The following APPL2 variants were observed in gnomAD, a reference collection of about 807,000 sequenced individuals.
The protein encoded by APPL2 is adaptor protein, phosphotyrosine interacting with PH domain and leucine zipper 2.
APPL2 carries 84 observed loss-of-function variants against 92.7 expected under a neutral mutation model. The observed-to-expected ratio is 0.91, with a 90% CI of 0.76 to 1.09. APPL2 has a LOEUF of 1.09. Among genes scored for constraint, APPL2 ranks in the 50% least tolerant of loss-of-function variants. The pLI is 0.00. For missense variants in APPL2, 736 were observed against 824.5 expected, an observed-to-expected ratio of 0.89 and a Z score of 1.31; for synonymous variants, 291 against 291.0, an observed-to-expected ratio of 1.00 and a Z score of 0.00.
intron 2 of APPL2, among the ~76,000 whole-genome samples, chr12:105,219,653 C>T (rs1488276886): frequency 2.0e-5 from 3 of 152,238 alleles, no homozygotes; most frequent in Non-Finnish European, 4.4e-5. Flanking sequence ...TCCTTCCTAA[C>T]TGTACAAGGA....
At chr12:105,225,359 G>A (rs1890417200) in intron 2 of APPL2, among the ~76,000 whole-genome samples, 1 of 152,128 alleles carries the variant, frequency 6.6e-6, no homozygotes, top group Non-Finnish European at 1.5e-5. Context: ...GCTGAGAGGA[G>A]AAGCAAGATG....
Position 105,211,260 on chromosome 12 carries a change from T to C in APPL2, c.343A>G (p.Ile115Val), listed in dbSNP as rs779533619. 2 of 1,613,976 alleles carry C rather than the reference T, an allele frequency of 1.2e-6. No homozygotes were observed. The highest frequency in any genetic ancestry group is 1.1e-5 in the South Asian group (1 of 91,074). The change falls in exon 5 of 21, where the codon ATC (isoleucine) becomes GTC (valine). Residue 115 changes from isoleucine to valine, a missense_variant. By Grantham distance (29) the Ile-to-Val change is conservative. Coordinates refer to ENST00000258530, the MANE Select transcript of APPL2 (RefSeq NM_018171.5). Reference protein sequence around the residue: ...KQLADTMVLPIIQFREKDLTE... With the variant: ...KQLADTMVLPVIQFREKDLTE... Reference sequence around the variant, plus strand: ...AGATCCTTTTCTCGGAATTGTATGATAGGTAGAACCATTGTGTCTGCCAAC... The same window carrying C: ...AGATCCTTTTCTCGGAATTGTATGACAGGTAGAACCATTGTGTCTGCCAAC...
intron 8 of APPL2, among the ~76,000 whole-genome samples, chr12:105,204,356 T>C (rs942795078): frequency 1.3e-5 from 2 of 152,198 alleles, no homozygotes; most frequent in African/African-American, 4.8e-5. Context: ...CTCCCTTTCC[T>C]GGCATGGCGG....
chr12:105,195,853 G>A (rs1452163073), intron 11 of APPL2, among the ~76,000 whole-genome samples: 12 of 152,092 alleles, frequency 7.9e-5, no homozygotes, highest in African/African-American at 2.2e-4. Context: ...CCAGGAGTTC[G>A]AGACCAGCCT....
intron 10 of APPL2, 135 bp downstream of exon 10, chr12:105,199,238 C>T: frequency 9.6e-7 from 1 of 1,044,892 alleles, no homozygotes; most frequent in Non-Finnish European, 1.4e-6. Flanking sequence ...AGTGGGAGGG[C>T]TGCTGTGATG....
chr12:105,201,924 T>C (rs1343913061), intron 9 of APPL2, among the ~76,000 whole-genome samples: 1 of 151,902 alleles, frequency 6.6e-6, no homozygotes, highest in East Asian at 1.9e-4. Flanking sequence ...TGTGGCATCA[T>C]CCCCCGGGGA....
rs375400366 is a variant in APPL2 at position 105,176,086 on chromosome 12, CA to C, written c.1813-5del. The C allele has an allele frequency of 1.3e-4, 202 of 1,589,424 alleles. No homozygotes were observed. The African/African-American group carries it at 2.5e-3, about 19-fold the overall frequency. On this transcript the variant is annotated splice_region_variant and splice_polypyrimidine_tract_variant and intron_variant, in intron 19 of 20. Coordinates refer to ENST00000258530, the MANE Select transcript of APPL2 (RefSeq NM_018171.5). ...CCAAATTAATAGCATAACATATCTGCAAAAGACAAGAAAAGTAGTGATTGGC... is the reference window on the plus strand; with the variant it reads ...CCAAATTAATAGCATAACATATCTGCAAAGACAAGAAAAGTAGTGATTGGC...
chr12:105,221,222 C>A (rs1402663516), intron 2 of APPL2, among the ~76,000 whole-genome samples: 1 of 152,164 alleles, frequency 6.6e-6, no homozygotes, highest in Non-Finnish European at 1.5e-5. Flanking sequence ...AAAACTGGAG[C>A]CCGAGTGAGG....
intron 20 of APPL2, 115 bp from the exon 21 acceptor site, chr12:105,174,563 T>C (rs916307597): frequency 1.8e-6 from 2 of 1,129,012 alleles, no homozygotes; most frequent in Non-Finnish European, 2.4e-6. Context: ...CTGACTCTTG[T>C]GTATATGTGC....
Position 105,207,982 on chromosome 12 carries a change from C to T in APPL2, c.463G>A (p.Glu155Lys). 3 of 1,613,684 alleles carry T rather than the reference C, an allele frequency of 1.9e-6. No homozygotes were observed. Among genetic ancestry groups the T allele is most frequent in the Non-Finnish European group, 2.5e-6 (3 of 1,179,572 alleles). ...AKYSRLPKKK[E>K]NEKVKTEVGK... ...TAAAGTATTCTTACCTTCTCATTCT[C>T]CTTTTTCTTAGGCAGCCTGCTGTAT... is the stretch of plus-strand genomic sequence containing the variant. The change falls in exon 7 of 21, where the codon GAG becomes AAG. Residue 155 changes from glutamate (E) to lysine (K), a missense_variant. Physicochemically the swap from Glu to Lys is moderately conservative, Grantham distance 56. Coordinates refer to ENST00000258530, the MANE Select transcript of APPL2 (RefSeq NM_018171.5).
At position 105,174,153 on chromosome 12, in the gene APPL2, G is replaced by T; in HGVS notation, c.*161C>A. 1 of 827,290 alleles carries T rather than the reference G, an allele frequency of 1.2e-6. No individual in the cohort carries two copies. Among genetic ancestry groups the T allele is most frequent in the Non-Finnish European group, 1.8e-6 (1 of 561,998 alleles). 51.2% of individuals were successfully genotyped at this position (827,290 alleles called of 1,614,324 possible). On this transcript the variant is annotated 3_prime_UTR_variant, in exon 21 of 21. Coordinates refer to ENST00000258530, the MANE Select transcript of APPL2 (RefSeq NM_018171.5). ...TGGGAACGCTGTCAACCATTTCTTA[G>T]TTTCCCTCCCAAGTCTCAGTATCAA...
At chr12:105,180,578 T>C (rs1223672015) in intron 17 of APPL2, among the ~76,000 whole-genome samples, 2 of 152,238 alleles carry the variant, frequency 1.3e-5, no homozygotes, top group African/African-American at 4.8e-5. Context: ...TTTCACGATA[T>C]TGATTCTTCC....
At chr12:105,179,046 T>TA (rs1885846871) in intron 17 of APPL2, among the ~76,000 whole-genome samples, 1 of 152,330 alleles carries the variant, frequency 6.6e-6, no homozygotes, top group Middle Eastern at 3.4e-3. Context: ...GCAGGTTTGT[T>TA]ACATAGGTAT....
intron 19 of APPL2, chr12:105,176,478 T>C (rs1885555935): frequency 4.6e-6 from 2 of 437,086 alleles, no homozygotes; most frequent in Non-Finnish European, 7.9e-6. Flanking sequence ...AAGTTTTTCA[T>C]ACTAAACCAA....
chr12:105,209,215 G>C (rs1266430522), intron 5 of APPL2, among the ~76,000 whole-genome samples: 1 of 152,124 alleles, frequency 6.6e-6, no homozygotes, highest in Non-Finnish European at 1.5e-5. Context: ...GCCGAGAAAT[G>C]TAAGATAAAA....
At chr12:105,177,368 T>G (rs1885655950) in intron 17 of APPL2, 106 bp from the exon 18 acceptor site, 15 of 1,226,266 alleles carry the variant, frequency 1.2e-5, no homozygotes, top group Non-Finnish European at 1.5e-5. Flanking sequence ...GAAATAGAGA[T>G]AAAGCCTGTT....
At chr12:105,218,119 TATAAA>T (rs1324506062) in intron 2 of APPL2, among the ~76,000 whole-genome samples, 3 of 118,160 alleles carry the variant, frequency 2.5e-5, no homozygotes, top group Middle Eastern at 0.01. Context: ...AAAAAAAAAT[TATAAA>T]AGAAAAAAAA....
intron 1 of APPL2, chr12:105,233,398 GT>G: frequency 1.0e-6 from 1 of 985,464 alleles, no homozygotes; most frequent in Non-Finnish European, 1.2e-6. Context: ...ACACAGACTA[GT>G]TTTACAATGC....
At position 105,197,851 on chromosome 12, in the gene APPL2, G is replaced by GA. The variant is rs749440454; in HGVS notation, c.965dup (p.Gln323ProfsTer36). ...TCACTGAGCAGTTGTCCAGGTCCTG[G>GA]ATCAAACCTCCAGCCACGGCTCCCC... On this transcript the variant is annotated frameshift_variant, in exon 11 of 21. Coordinates refer to ENST00000258530, the MANE Select transcript of APPL2 (RefSeq NM_018171.5). LOFTEE classifies it high-confidence loss of function. 5.0e-6 allele frequency: 8 copies of GA among 1,614,080 alleles called. No homozygotes were observed. In the South Asian group the frequency reaches 8.8e-5, roughly 18 times the overall value.
Sources: allele counts gnomAD v4.1 joint callset (sites outside exome capture counted in the v4.1 genomes callset), GRCh38; gene constraint gnomAD v4.1.1; transcripts MANE v1.5; gene names NCBI Gene and HGNC (gene_info 2026-07-23, HGNC 2026-07-21).